Variants in SLC1A7 observed in about 807,000 individuals in gnomAD.
SLC1A7 encodes excitatory amino acid transporter 5.
SLC1A7 carries 40 observed loss-of-function variants against 47.7 expected under a neutral mutation model. That is an observed-to-expected ratio of 0.84 (90% CI 0.65 to 1.09). The LOEUF is 1.09. Among genes scored for constraint, SLC1A7 ranks in the 50% least tolerant of loss-of-function variants. The pLI, the probability that SLC1A7 is intolerant of heterozygous loss-of-function variation, is 0.00. For synonymous variants in SLC1A7, 323 were observed against 325.6 expected, an observed-to-expected ratio of 0.99 and a Z score of 0.09; for missense variants, 746 against 769.5, an observed-to-expected ratio of 0.97 and a Z score of 0.36.
intron 2 of SLC1A7, among the ~76,000 whole-genome samples, chr1:53,120,904 C>T (rs1457424453): frequency 6.6e-6 from 1 of 152,244 alleles, no homozygotes; most frequent in Non-Finnish European, 1.5e-5. Context: ...CTAGGCAAGG[C>T]GAGGAAGCTC....
chr1:53,111,656 A>G (rs946673068), intron 3 of SLC1A7, among the ~76,000 whole-genome samples: 2 of 152,178 alleles, frequency 1.3e-5, no homozygotes, highest in Admixed American at 6.5e-5. Flanking sequence ...GCAGGGCGAG[A>G]AAAGGGCAGA....
chr1:53,102,074 A>G (rs1166539592), intron 5 of SLC1A7, among the ~76,000 whole-genome samples: 2 of 152,160 alleles, frequency 1.3e-5, no homozygotes, highest in Non-Finnish European at 2.9e-5. Context: ...CCCTTCTCTT[A>G]TGTTCCCAGC....
chr1:53,133,815 C>A (rs1644964318), intron 2 of SLC1A7, among the ~76,000 whole-genome samples: 1 of 150,972 alleles, frequency 6.6e-6, no homozygotes, highest in African/African-American at 2.4e-5. Context: ...ACCATCCCGC[C>A]CTTGTCCCCA....
chr1:53,090,697 T>G lies in SLC1A7; in HGVS notation c.1141A>C (p.Thr381Pro). Residue 381 changes from threonine to proline, a missense_variant, in exon 8 of 11, where the codon ACT becomes CCT. Physicochemically the swap from Thr to Pro is conservative, Grantham distance 38 (BLOSUM62 -1). Transcript: ENST00000371494. Reference sequence around the variant, plus strand: ...GCGGCCACAGCCTCGTAGAGCGCAGTGCCGTCCATGTTGATGGTGGCACCC... The same window carrying G: ...GCGGCCACAGCCTCGTAGAGCGCAGGGCCGTCCATGTTGATGGTGGCACCC... ...PVGATINMDG[T>P]ALYEAVAAIF... 1 of 1,614,060 alleles carries G rather than the reference T, an allele frequency of 6.2e-7. No individual in the cohort carries two copies. The highest frequency in any genetic ancestry group is 8.5e-7 in the Non-Finnish European group (1 of 1,179,992).
intron 5 of SLC1A7, among the ~76,000 whole-genome samples, chr1:53,101,811 C>T (rs1644586069): frequency 6.6e-6 from 1 of 151,362 alleles, no homozygotes; most frequent in Non-Finnish European, 1.5e-5. Flanking sequence ...TACACTTACA[C>T]ACCGCCTCGG....
chr1:53,104,047 C>A (rs1037241415), intron 4 of SLC1A7, among the ~76,000 whole-genome samples: 1 of 152,144 alleles, frequency 6.6e-6, no homozygotes, highest in African/African-American at 2.4e-5. Flanking sequence ...AAGAAAATGA[C>A]CTTCCTGAGC....
intron 9 of SLC1A7, 126 bp downstream of exon 9, chr1:53,089,674 A>G: frequency 1.0e-6 from 1 of 967,320 alleles, no homozygotes; most frequent in Non-Finnish European, 1.6e-6. Flanking sequence ...GCACTCCCAC[A>G]GTGCCAAGCG....
chr1:53,138,945 A>G (rs941734863), intron 1 of SLC1A7, among the ~76,000 whole-genome samples: 1 of 152,158 alleles, frequency 6.6e-6, no homozygotes, highest in African/African-American at 2.4e-5. Flanking sequence ...AGAAAGCTTA[A>G]GAGGAGATTT....
In SLC1A7 at chr1:53,088,052, TTCAGAC is replaced by T; in HGVS notation, c.1634_1639del (p.Ser545_Leu546del). ...CTCACTGATCTGGATGGTGCAGTGG[TTCAGAC>T]TCGCAGCGGGCAGCTCCTCATCCTG... On this transcript the variant is annotated inframe_deletion, in exon 11 of 11. Transcript: ENST00000371494. 1 of 1,596,146 alleles carries T rather than the reference TTCAGAC, an allele frequency of 6.3e-7. No homozygotes were observed. The highest frequency in any genetic ancestry group is 8.6e-7 in the Non-Finnish European group (1 of 1,169,028).
intron 5 of SLC1A7, among the ~76,000 whole-genome samples, chr1:53,097,801 G>A (rs1249624964): frequency 6.7e-6 from 1 of 149,662 alleles, no homozygotes; most frequent in East Asian, 2.0e-4. Context: ...CACCGCCTCA[G>A]TACACTCACA....
intron 1 of SLC1A7, 103 bp from the exon 2 acceptor site, chr1:53,134,532 C>G: frequency 1.5e-6 from 1 of 688,142 alleles, no homozygotes; most frequent in East Asian, 2.9e-5. Flanking sequence ...ACTCCCCTGT[C>G]TAGCACATGG....
At chr1:53,103,643 C>T in intron 4 of SLC1A7, 75 bp from the exon 5 acceptor site, 1 of 823,320 alleles carries the variant, frequency 1.2e-6, no homozygotes. Flanking sequence ...ACAATAATAG[C>T]ATCTTGAAGG....
At chr1:53,101,326 ACACACCCCTCCTCGGTACACTCG>A (rs2150323424) in intron 5 of SLC1A7, among the ~76,000 whole-genome samples, 3 of 96,612 alleles carry the variant, frequency 3.1e-5, no homozygotes, top group East Asian at 6.0e-4. Flanking sequence ...CGGTACACTC[ACACACCCCTCCTCGGTACACTCG>A]CACACCCCGC....
chr1:53,097,637 T>G (rs1644513238), intron 5 of SLC1A7, among the ~76,000 whole-genome samples: 2 of 148,278 alleles, frequency 1.3e-5, no homozygotes. Flanking sequence ...TCACAAACCC[T>G]GCCTCCAAGC....
At chr1:53,095,776 TCACACACCC>T (rs947308363) in intron 5 of SLC1A7, among the ~76,000 whole-genome samples, 3 of 146,312 alleles carry the variant, frequency 2.1e-5, no homozygotes, top group Non-Finnish European at 4.5e-5. Flanking sequence ...CTTGTTACAC[TCACACACCC>T]CACCTCGGTA....
chr1:53,124,251 C>A (rs55678705), intron 2 of SLC1A7, among the ~76,000 whole-genome samples: 2 of 151,500 alleles, frequency 1.3e-5, no homozygotes, highest in Non-Finnish European at 2.9e-5. Flanking sequence ...ACATACACAA[C>A]ACACACACAC....
chr1:53,129,185 G>GAA lies in SLC1A7; in HGVS notation c.215+5163_215+5164dup, dbSNP rs66541424. Reference sequence around the variant, plus strand: ...CAGAGTGAGACTATGTCTCAAAAAAGAAAAAAAAAAAGAAAAAAGAAAAAC... The same window carrying GAA: ...CAGAGTGAGACTATGTCTCAAAAAAGAAAAAAAAAAAAAGAAAAAAGAAAAAC... On this transcript the variant is annotated intron_variant, in intron 2 of 10. Coordinates refer to ENST00000371494, the MANE Select transcript of SLC1A7 (RefSeq NM_006671.6). Among the ~76,000 whole-genome samples the GAA allele has an allele frequency of 3.6e-4, 45 of 125,894 alleles. 2 individuals are homozygous for GAA. Among genetic ancestry groups the GAA allele is most frequent in the Admixed American group, 7.5e-4 (9 of 12,078 alleles). The allele number at this position is 125,894 out of a possible 152,430, so 82.6% of individuals were successfully genotyped here.
chr1:53,088,237 G>T lies in SLC1A7; in HGVS notation c.1465-10C>A. 2 of 1,593,774 alleles carry T rather than the reference G, an allele frequency of 1.3e-6. No homozygotes were observed. The highest frequency in any genetic ancestry group is 8.6e-7 in the Non-Finnish European group (1 of 1,168,878). ...CGCAGGGCAGCAGTTTCTGGTGAAG[G>T]GAAACAGGTCTTTGTAGCAGCAGGA... On this transcript the variant is annotated splice_polypyrimidine_tract_variant and intron_variant, in intron 10 of 10. Transcript: ENST00000371494.
chr1:53,115,353 C>T (rs996001780), intron 2 of SLC1A7: 2 of 257,442 alleles, frequency 7.8e-6, no homozygotes, highest in African/African-American at 4.4e-5. Flanking sequence ...CCTTCACTCT[C>T]CTGACCCCTG....
Sources: allele counts gnomAD v4.1 joint callset (sites outside exome capture counted in the v4.1 genomes callset), GRCh38; gene constraint gnomAD v4.1.1; transcripts MANE v1.5; gene names NCBI Gene and HGNC (gene_info 2026-07-23, HGNC 2026-07-21).